Variants in ATF2 observed in about 807,000 individuals in gnomAD.
The protein encoded by ATF2 is activating transcription factor 2.
In ATF2, 24 loss-of-function variants were observed where a neutral mutation model predicts 60.6. The observed-to-expected ratio is 0.40, with a 90% CI of 0.29 to 0.56. The LOEUF (loss-of-function observed/expected upper bound fraction) is 0.56, where lower values mean the gene tolerates loss of function less well. Ranked by LOEUF, ATF2 falls within the 20% of genes least tolerant of loss-of-function variation. The probability of loss-of-function intolerance (pLI) is 0.54; values close to 1 mark genes in which losing one functional copy is unlikely to be tolerated. For missense variants in ATF2, 433 were observed against 607.7 expected (o/e 0.71, Z 3.02); for synonymous variants, 206 against 215.4 (o/e 0.96, Z 0.38).
intron 3 of ATF2, among the ~76,000 whole-genome samples, chr2:175,135,381 A>G (rs190075094): frequency 1.2e-4 from 18 of 152,318 alleles, no homozygotes; most frequent in African/African-American, 4.1e-4. Context: ...AAGGAAATTC[A>G]GGAGACAGAA....
At chr2:175,138,545 T>C (rs1012343853) in intron 2 of ATF2, among the ~76,000 whole-genome samples, 4 of 152,176 alleles carry the variant, frequency 2.6e-5, no homozygotes, top group African/African-American at 9.6e-5. Flanking sequence ...AATCTGACCT[T>C]CTAAATGCTA....
intron 4 of ATF2, among the ~76,000 whole-genome samples, chr2:175,122,017 A>G (rs1327586067): frequency 6.6e-6 from 1 of 151,918 alleles, no homozygotes; most frequent in Non-Finnish European, 1.5e-5. Flanking sequence ...TTAGAAATAA[A>G]TCTGATTTTT....
At chr2:175,112,967 A>C (rs1438373774) in intron 9 of ATF2, among the ~76,000 whole-genome samples, 1 of 152,186 alleles carries the variant, frequency 6.6e-6, no homozygotes, top group Non-Finnish European at 1.5e-5. Context: ...AAAAGAAAAA[A>C]CTATCTTTTT....
chr2:175,130,499 T>C (rs1467186399), intron 3 of ATF2, among the ~76,000 whole-genome samples: 2 of 152,088 alleles, frequency 1.3e-5, no homozygotes, highest in Non-Finnish European at 2.9e-5. Context: ...ATTTCATTTA[T>C]TCAAGAAAAT....
At chr2:175,114,993 C>A in intron 7 of ATF2, 125 bp from the exon 8 acceptor site, 2 of 775,870 alleles carry the variant, frequency 2.6e-6, no homozygotes, top group South Asian at 3.7e-5. Context: ...AAATTAATAT[C>A]TCAAATTAAT....
intron 12 of ATF2, among the ~76,000 whole-genome samples, chr2:175,084,134 C>A (rs930257186): frequency 8.5e-5 from 13 of 152,226 alleles, no homozygotes; most frequent in Middle Eastern, 3.4e-3. Context: ...CCAGCCATCC[C>A]ATTACTGGGT....
intron 1 of ATF2, 120 bp from the exon 2 acceptor site, chr2:175,151,278 T>C (rs1448431809): frequency 6.6e-6 from 1 of 152,148 alleles, no homozygotes; most frequent in Non-Finnish European, 1.5e-5. Flanking sequence ...ATTTCAAAAA[T>C]GTATGTAAAT....
intron 4 of ATF2, among the ~76,000 whole-genome samples, chr2:175,124,179 C>G (rs1477677815): frequency 6.6e-6 from 1 of 151,414 alleles, no homozygotes; most frequent in Non-Finnish European, 1.5e-5. Context: ...CATTTCAAAG[C>G]ACAACCCCAA....
intron 12 of ATF2, 127 bp downstream of exon 12, chr2:175,092,934 A>T: frequency 1.1e-6 from 1 of 949,980 alleles, no homozygotes; most frequent in South Asian, 1.7e-5. Context: ...ACTATGATTT[A>T]CTATAGATTC....
At chr2:175,102,515 T>C (rs1695377148) in intron 10 of ATF2, among the ~76,000 whole-genome samples, 1 of 152,180 alleles carries the variant, frequency 6.6e-6, no homozygotes, top group Admixed American at 6.5e-5. Flanking sequence ...CTTATGCCTG[T>C]AATCTCAGCA....
At chr2:175,165,325 A>C (rs1466864771) in intron 1 of ATF2, among the ~76,000 whole-genome samples, 1 of 152,224 alleles carries the variant, frequency 6.6e-6, no homozygotes, top group Admixed American at 6.5e-5. Flanking sequence ...AGTAAGAATA[A>C]AAAAGAGAAA....
intron 13 of ATF2, among the ~76,000 whole-genome samples, chr2:175,076,388 T>C (rs1693294869): frequency 1.3e-5 from 2 of 151,960 alleles, no homozygotes; most frequent in Admixed American, 1.3e-4. Context: ...CCTTTAAAAA[T>C]TATATAAAAC....
At chr2:175,126,004 C>A (rs1314450581) in intron 4 of ATF2, among the ~76,000 whole-genome samples, 2 of 152,116 alleles carry the variant, frequency 1.3e-5, no homozygotes, top group Non-Finnish European at 2.9e-5. Context: ...CCTTTAGCTA[C>A]ACCTCCAAGA....
chr2:175,092,992 GA>G (rs113512852), intron 12 of ATF2, 68 bp downstream of exon 12: 770 of 1,447,972 alleles, frequency 5.3e-4, no homozygotes, highest in Middle Eastern at 7.3e-4. Flanking sequence ...GCCCAACTAG[GA>G]AAAAAAAAAT....
intron 4 of ATF2, among the ~76,000 whole-genome samples, chr2:175,123,109 C>A (rs1165678651): frequency 1.3e-5 from 2 of 152,030 alleles, no homozygotes; most frequent in African/African-American, 4.8e-5. Context: ...GGACCACAAT[C>A]AAACTTTTCC....
intron 2 of ATF2, among the ~76,000 whole-genome samples, chr2:175,146,648 C>T (rs1010463208): frequency 2.0e-5 from 3 of 152,202 alleles, no homozygotes; most frequent in Non-Finnish European, 4.4e-5. Context: ...TGGACAACTC[C>T]AGAAACAAAC....
intron 12 of ATF2, among the ~76,000 whole-genome samples, chr2:175,091,875 AC>A (rs1440485560): frequency 6.6e-6 from 1 of 152,214 alleles, no homozygotes; most frequent in Admixed American, 6.5e-5. Context: ...AAACAAAAAA[AC>A]AATTTATCAG....
intron 3 of ATF2, among the ~76,000 whole-genome samples, chr2:175,134,315 G>A (rs938487809): frequency 5.9e-5 from 9 of 152,120 alleles, no homozygotes; most frequent in African/African-American, 1.7e-4. Context: ...AGTAACTGGA[G>A]CATCCTCAAA....
At chr2:175,139,568 G>A (rs1698364649) in intron 2 of ATF2, among the ~76,000 whole-genome samples, 1 of 151,632 alleles carries the variant, frequency 6.6e-6, no homozygotes, top group Admixed American at 6.6e-5. Flanking sequence ...AGCTACTCGG[G>A]AGGCTGAGGC....
Sources: gnomAD v4.1 joint callset for allele counts (sites outside exome capture counted in the v4.1 genomes callset) on GRCh38, gnomAD v4.1.1 for gene constraint, MANE v1.5 for transcripts, NCBI Gene and HGNC (gene_info 2026-07-23, HGNC 2026-07-21) for gene names.